Variants in GRIK3 observed in about 807,000 individuals in gnomAD.
The protein encoded by GRIK3 is glutamate receptor ionotropic, kainate 3.
In GRIK3, 29 loss-of-function variants were observed where a neutral mutation model predicts 102.5. The ratio of observed to expected loss-of-function variants is 0.28; its 90% CI spans 0.21 to 0.39. GRIK3 has a LOEUF of 0.39. GRIK3 is among the 10% of genes least tolerant of loss of function. The pLI, the probability that GRIK3 is intolerant of heterozygous loss-of-function variation, is 1.00. For missense variants in GRIK3, 908 were observed against 1,252.4 expected, an observed-to-expected ratio of 0.73 and a Z score of 4.15; for synonymous variants, 511 against 504.9, an observed-to-expected ratio of 1.01 and a Z score of -0.16.
rs575057102 is a variant in GRIK3 at position 36,917,331 on chromosome 1, T to C, written c.116-26235A>G. ...GACTTGCCTTGTCTCAGATGAGACT[T>C]TGAACTGTGGACTTTTGAGCTAATG... On this transcript the variant is annotated intron_variant, in intron 1 of 15. Coordinates refer to ENST00000373091, the MANE Select transcript of GRIK3 (RefSeq NM_000831.4). 5.3e-5 allele frequency among the ~76,000 whole-genome samples: 8 copies of C among 152,360 alleles called. No homozygotes were observed. In the South Asian group the frequency reaches 1.7e-3, roughly 32 times the overall value.
intron 10 of GRIK3, among the ~76,000 whole-genome samples, chr1:36,839,505 C>T (rs1182994599): frequency 6.6e-6 from 1 of 151,892 alleles, no homozygotes; most frequent in Admixed American, 6.6e-5. Context: ...AAGGGGACTT[C>T]CTGAAGCCCC....
intron 9 of GRIK3, among the ~76,000 whole-genome samples, chr1:36,847,908 G>C (rs1390695458): frequency 1.3e-5 from 2 of 152,234 alleles, no homozygotes; most frequent in Admixed American, 6.5e-5. Context: ...CTGTGGGACA[G>C]ATGGAGCTGT....
intron 10 of GRIK3, among the ~76,000 whole-genome samples, chr1:36,835,387 C>T (rs1177674018): frequency 6.6e-6 from 1 of 152,218 alleles, no homozygotes; most frequent in African/African-American, 2.4e-5. Flanking sequence ...ACCTGTTTTC[C>T]CTTCCTCTGT....
intron 9 of GRIK3, among the ~76,000 whole-genome samples, chr1:36,847,390 T>C (rs1329494917): frequency 6.6e-6 from 1 of 152,200 alleles, no homozygotes; most frequent in Non-Finnish European, 1.5e-5. Flanking sequence ...GGAATGGCCA[T>C]GAAACTGGAA....
chr1:36,874,977 C>T (rs1178353562), intron 3 of GRIK3, among the ~76,000 whole-genome samples: 3 of 152,206 alleles, frequency 2.0e-5, no homozygotes, highest in Non-Finnish European at 4.4e-5. Flanking sequence ...TGGCTGCTCC[C>T]CTAATCAATC....
chr1:36,810,015 C>T (rs1642544871), intron 13 of GRIK3, among the ~76,000 whole-genome samples: 1 of 152,176 alleles, frequency 6.6e-6, no homozygotes, highest in Non-Finnish European at 1.5e-5. Context: ...TCCTTGTCTT[C>T]TGTCTTGGGG....
At chr1:36,832,602 A>G (rs1640319054) in intron 10 of GRIK3, among the ~76,000 whole-genome samples, 1 of 152,196 alleles carries the variant, frequency 6.6e-6, no homozygotes, top group African/African-American at 2.4e-5. Flanking sequence ...CAGCTTCCTG[A>G]GCTGACAGCA....
chr1:36,992,143 A>G (rs145986747), intron 1 of GRIK3, among the ~76,000 whole-genome samples: 255 of 152,368 alleles, frequency 1.7e-3, no homozygotes, highest in African/African-American at 5.4e-3. Flanking sequence ...GACCCTGGGC[A>G]TAGAGATGAA....
intron 1 of GRIK3, among the ~76,000 whole-genome samples, chr1:36,938,984 A>AAG (rs1220951720): frequency 2.0e-5 from 3 of 152,110 alleles, no homozygotes; most frequent in Admixed American, 6.5e-5. Flanking sequence ...ACAAGACGGA[A>AAG]AGAGAGAGAG....
intron 2 of GRIK3, among the ~76,000 whole-genome samples, chr1:36,887,661 C>A (rs1473845637): frequency 2.0e-5 from 3 of 151,046 alleles, no homozygotes; most frequent in African/African-American, 7.3e-5. Context: ...GAGGCTGAGG[C>A]AGGAGAATTG....
At chr1:36,916,331 T>C (rs1322537097) in intron 1 of GRIK3, among the ~76,000 whole-genome samples, 1 of 152,018 alleles carries the variant, frequency 6.6e-6, no homozygotes, top group Non-Finnish European at 1.5e-5. Flanking sequence ...GTTTGGAAAA[T>C]TTGCAGCCTG....
At chr1:36,944,505 G>A (rs1005757078) in intron 1 of GRIK3, among the ~76,000 whole-genome samples, 10 of 152,200 alleles carry the variant, frequency 6.6e-5, no homozygotes, top group African/African-American at 2.4e-4. Flanking sequence ...AGAGGAGGGA[G>A]GAAGAGAGGG....
At chr1:36,949,360 C>T (rs909481126) in intron 1 of GRIK3, among the ~76,000 whole-genome samples, 1 of 152,164 alleles carries the variant, frequency 6.6e-6, no homozygotes, top group Non-Finnish European at 1.5e-5. Context: ...TCTCTTTCAA[C>T]TCTGGAACAG....
chr1:36,869,705 G>A (rs769687500), intron 5 of GRIK3, 43 bp downstream of exon 5: 3 of 1,408,606 alleles, frequency 2.1e-6, no homozygotes, highest in East Asian at 2.3e-5. Context: ...TGATCCATGA[G>A]AGTCCCACCC....
chr1:36,927,014 G>A (rs958799782), intron 1 of GRIK3, among the ~76,000 whole-genome samples: 2 of 152,158 alleles, frequency 1.3e-5, no homozygotes, highest in African/African-American at 4.8e-5. Context: ...CCTTCCCCAG[G>A]TACTGCCTGA....
intron 1 of GRIK3, among the ~76,000 whole-genome samples, chr1:36,982,424 C>G (rs1200354123): frequency 6.6e-6 from 1 of 152,236 alleles, no homozygotes; most frequent in Non-Finnish European, 1.5e-5. Context: ...CTGCCAGCAG[C>G]TGAAAGCCTC....
Position 36,801,994 on chromosome 1 carries a change from G to T in GRIK3, c.2617C>A (p.Gln873Lys). The T allele has an allele frequency of 6.2e-7, 1 of 1,613,902 alleles. No homozygotes were observed. Among genetic ancestry groups the T allele is most frequent in the Non-Finnish European group, 8.5e-7 (1 of 1,179,906 alleles). ...ADEIRFSLTC[Q>K]RRVKHKPQPP... The stretch of plus-strand genomic sequence containing the variant: ...TGAGGCTTGTGCTTGACTCGACGCT[G>T]GCAGGTAAGGGAGAAACGGATCTCA... Residue 873 changes from glutamine to lysine, a missense_variant, in exon 16 of 16, where the codon CAG (glutamine) becomes AAG (lysine). Around this residue, in one of 3 missense-constraint regions of GRIK3, gnomAD observed 297 missense variants for 362.7 expected, o/e 0.82. Coordinates refer to ENST00000373091, the MANE Select transcript of GRIK3 (RefSeq NM_000831.4).
chr1:36,930,182 G>T (rs1466651125), intron 1 of GRIK3, among the ~76,000 whole-genome samples: 1 of 152,200 alleles, frequency 6.6e-6, no homozygotes, highest in African/African-American at 2.4e-5. Context: ...ATAAGGACAC[G>T]AATACCAGGG....
At chr1:36,811,999 G>A (rs1401768287) in intron 13 of GRIK3, among the ~76,000 whole-genome samples, 20 of 152,070 alleles carry the variant, frequency 1.3e-4, no homozygotes, top group Admixed American at 1.2e-3. Context: ...GACGACAGGC[G>A]GCATCACACT....
Sources: gnomAD v4.1 joint callset for allele counts (sites outside exome capture counted in the v4.1 genomes callset) on GRCh38, gnomAD v4.1.1 for gene constraint, gnomAD v4.1.1 regional missense constraint, MANE v1.5 for transcripts, NCBI Gene and HGNC (gene_info 2026-07-23, HGNC 2026-07-21) for gene names.